PIWIL3: variants seen among roughly 807,000 people sequenced by gnomAD.
PIWIL3 encodes piwi like RNA-mediated gene silencing 3, also known as piwi-like protein 3.
A neutral mutation model predicts 109.7 loss-of-function variants in PIWIL3; 101 were observed. That is an observed-to-expected ratio of 0.92 (90% CI 0.78 to 1.09). The LOEUF is 1.09. Ranked by LOEUF, PIWIL3 falls within the 50% of genes least tolerant of loss-of-function variation. The pLI is 0.00. For synonymous variants in PIWIL3, 373 were observed against 376.4 expected (o/e 0.99, Z 0.10); for missense variants, 1,031 against 1,072.6 (o/e 0.96, Z 0.54).
At chr22:24,767,537 G>T (rs1448806496) in intron 1 of PIWIL3, among the ~76,000 whole-genome samples, 2 of 149,912 alleles carry the variant, frequency 1.3e-5, no homozygotes, top group Non-Finnish European at 3.0e-5. Context: ...GGCAACAAAG[G>T]CGAAACTCTG....
chr22:24,723,774 A>G (rs902487936), intron 18 of PIWIL3, among the ~76,000 whole-genome samples: 2 of 152,112 alleles, frequency 1.3e-5, no homozygotes, highest in East Asian at 1.9e-4. Flanking sequence ...TCCCAAGTTC[A>G]AGTGATTCTC....
At chr22:24,731,884 G>C (rs1923372657) in intron 14 of PIWIL3, among the ~76,000 whole-genome samples, 1 of 152,222 alleles carries the variant, frequency 6.6e-6, no homozygotes, top group South Asian at 2.1e-4. Context: ...CCCTCAGTTT[G>C]CTCCGGGAAC....
chr22:24,736,866 G>T (rs959192972), intron 12 of PIWIL3, among the ~76,000 whole-genome samples: 1 of 152,226 alleles, frequency 6.6e-6, no homozygotes, highest in Non-Finnish European at 1.5e-5. Flanking sequence ...GCCACCCATA[G>T]GGGGAACATT....
intron 1 of PIWIL3, among the ~76,000 whole-genome samples, chr22:24,766,282 T>C (rs1601854732): frequency 6.6e-6 from 1 of 152,026 alleles, no homozygotes; most frequent in East Asian, 1.9e-4. Flanking sequence ...CCACCATGCC[T>C]AGCCTAGGTT....
chr22:24,767,442 T>C (rs1158508159), intron 1 of PIWIL3, among the ~76,000 whole-genome samples: 2 of 151,802 alleles, frequency 1.3e-5, no homozygotes, highest in South Asian at 2.1e-4. Flanking sequence ...TCCCAGCTAC[T>C]TGGGAGACTG....
chr22:24,771,871 T>A lies in PIWIL3; in HGVS notation c.-23+2451A>T, dbSNP rs553663045. 2.0e-5 allele frequency among the ~76,000 whole-genome samples: 3 copies of A among 152,240 alleles called. No individual in the cohort carries two copies. In the East Asian group the frequency reaches 5.8e-4, roughly 30 times the overall value. On this transcript the variant is annotated intron_variant, in intron 1 of 20. Coordinates refer to ENST00000616349, the MANE Select transcript of PIWIL3 (RefSeq NM_001255975.1). ...TCCTCATGCCCGGCTAATTTTTGTA[T>A]CGTTAGTAGAGACGGGGTTTCACCA...
At chr22:24,762,359 A>G (rs5751975) in intron 2 of PIWIL3, 39 bp downstream of exon 2, 665,390 of 1,594,408 alleles carry the variant, frequency 0.42, 140,326 homozygotes, top group East Asian at 0.5. Flanking sequence ...GTACAGGCAC[A>G]TATCTCTTGC....
chr22:24,729,047 C>CA (rs1208591902), intron 14 of PIWIL3, among the ~76,000 whole-genome samples: 2 of 152,168 alleles, frequency 1.3e-5, no homozygotes, highest in Non-Finnish European at 2.9e-5. Context: ...AGCAGGCTCC[C>CA]AGGAAAGTTT....
chr22:24,745,777 AG>A, intron 12 of PIWIL3, among the ~76,000 whole-genome samples: 1 of 151,534 alleles, frequency 6.6e-6, no homozygotes, highest in African/African-American at 2.4e-5. Flanking sequence ...GAAAATGGAG[AG>A]GACAACCAAT....
intron 12 of PIWIL3, among the ~76,000 whole-genome samples, chr22:24,743,725 G>A (rs565719585): frequency 6.6e-6 from 1 of 152,234 alleles, no homozygotes; most frequent in East Asian, 1.9e-4. Flanking sequence ...AGTGTACACT[G>A]CTCAGGTGAT....
At position 24,728,096 on chromosome 22, in the gene PIWIL3, C is replaced by A. The variant is rs765332075; in HGVS notation, c.1906-43G>T. On this transcript the variant is annotated intron_variant, in intron 15 of 20. Transcript: ENST00000616349. ...AAAGGTAATGGAGTTAGAACGTGAG[C>A]AAAATTTAAGCATTAACAATTAAGA... 12 of 1,606,910 alleles carry A rather than the reference C, an allele frequency of 7.5e-6. No homozygotes were observed. The Admixed American group carries it at 1.8e-4, about 25-fold the overall frequency.
chr22:24,749,409 T>TA lies in PIWIL3; in HGVS notation c.1328dup (p.Gln444ThrfsTer3). ...GCCAGAAAAGCAGCACTTACTCTTG[T>TA]AGAGTATTGATGAATTCTTTTAATG... On this transcript the variant is annotated frameshift_variant, in exon 11 of 21. Transcript: ENST00000616349. LOFTEE classifies it high-confidence loss of function. The TA allele has an allele frequency of 6.2e-7, 1 of 1,613,836 alleles. No individual in the cohort carries two copies. The highest frequency in any genetic ancestry group is 1.1e-5 in the South Asian group (1 of 91,076).
intron 18 of PIWIL3, among the ~76,000 whole-genome samples, chr22:24,724,321 C>T (rs151161790): frequency 1.2e-4 from 19 of 152,126 alleles, no homozygotes; most frequent in African/African-American, 4.3e-4. Flanking sequence ...GACAAGGTCT[C>T]ACTGTGTCAC....
chr22:24,752,253 G>A (rs1046621578), intron 8 of PIWIL3, among the ~76,000 whole-genome samples: 2 of 152,072 alleles, frequency 1.3e-5, no homozygotes, highest in African/African-American at 4.8e-5. Flanking sequence ...TGCAAACATA[G>A]ATAAGCAAGC....
At chr22:24,746,376 A>C (rs529491972) in intron 12 of PIWIL3, among the ~76,000 whole-genome samples, 4 of 152,304 alleles carry the variant, frequency 2.6e-5, no homozygotes, top group African/African-American at 9.6e-5. Flanking sequence ...ATATCCCTTC[A>C]TAATTGAAAA....
chr22:24,771,569 T>C (rs989911705), intron 1 of PIWIL3, among the ~76,000 whole-genome samples: 35 of 152,278 alleles, frequency 2.3e-4, no homozygotes, highest in African/African-American at 7.9e-4. Context: ...AGACTTGTGT[T>C]CAGTTACATT....
intron 3 of PIWIL3, among the ~76,000 whole-genome samples, chr22:24,758,717 A>T (rs974939633): frequency 5.3e-5 from 8 of 152,234 alleles, no homozygotes; most frequent in African/African-American, 1.9e-4. Context: ...TGATGATCTT[A>T]CAAAGTAAGT....
At chr22:24,747,713 G>A (rs77333973) in intron 12 of PIWIL3, among the ~76,000 whole-genome samples, 6,010 of 152,192 alleles carry the variant, frequency 0.039, 198 homozygotes, top group South Asian at 0.12. Flanking sequence ...TCAGAGAAAT[G>A]CAAATCAAAA....
At chr22:24,766,080 G>A (rs1214994379) in intron 1 of PIWIL3, among the ~76,000 whole-genome samples, 3 of 150,872 alleles carry the variant, frequency 2.0e-5, no homozygotes, top group Admixed American at 6.6e-5. Context: ...CAGCCTCCTG[G>A]GTTCAAGAAA....
Sources: gnomAD v4.1 joint callset for allele counts (sites outside exome capture counted in the v4.1 genomes callset) on GRCh38, gnomAD v4.1.1 for gene constraint, MANE v1.5 for transcripts, NCBI Gene and HGNC (gene_info 2026-07-23, HGNC 2026-07-21) for gene names.